Variants in ARMC12 observed in about 807,000 individuals in gnomAD.
ARMC12 encodes the protein armadillo repeat containing 12.
ARMC12 carries 25 observed loss-of-function variants against 37.4 expected under a neutral mutation model. The observed-to-expected ratio is 0.67, with a 90% CI of 0.49 to 0.93. The LOEUF is 0.93. Among genes scored for constraint, ARMC12 ranks in the 40% least tolerant of loss-of-function variants. The probability of loss-of-function intolerance (pLI) is 0.00; values close to 1 mark genes in which losing one functional copy is unlikely to be tolerated. For missense variants in ARMC12, 384 were observed against 426.6 expected (o/e 0.90, Z 0.88); for synonymous variants, 167 against 176.1 (o/e 0.95, Z 0.41).
At chr6:35,734,381 C>G (rs554733106), upstream of ARMC12, among the ~76,000 whole-genome samples, 1 of 152,126 alleles carries the variant, frequency 6.6e-6, no homozygotes, top group Non-Finnish European at 1.5e-5. Flanking sequence ...AGGCCAGGCT[C>G]GAACTCCTGG....
chr6:35,733,577 C>T (rs1251683574), upstream of ARMC12, among the ~76,000 whole-genome samples: 1 of 152,186 alleles, frequency 6.6e-6, no homozygotes, highest in Non-Finnish European at 1.5e-5. Context: ...CGTGCCATCT[C>T]GGTTCACTGC....
chr6:35,733,360 T>G (rs535932715), upstream of ARMC12, among the ~76,000 whole-genome samples: 1 of 152,248 alleles, frequency 6.6e-6, no homozygotes, highest in African/African-American at 2.4e-5. Context: ...AGGATTATAG[T>G]AAACATTTGT....
intron 3 of ARMC12, among the ~76,000 whole-genome samples, chr6:35,740,692 C>T (rs1581923642): frequency 6.6e-6 from 1 of 152,212 alleles, no homozygotes; most frequent in East Asian, 1.9e-4. Context: ...TTAGCAGTTC[C>T]AAATTTTCTT....
rs77517647 is a variant in ARMC12, at chr6:35,737,187, G to A, written c.79G>A (p.Ala27Thr). 2.2e-4 allele frequency: 358 copies of A among 1,614,228 alleles called. No individual in the cohort carries two copies. Among genetic ancestry groups the A allele is most frequent in the Admixed American group, 8.8e-4 (53 of 60,032 alleles). Residue 27 changes from alanine (A) to threonine (T), a missense_variant, in exon 1 of 6, where the codon GCG becomes ACG. Ala to Thr is a moderately conservative substitution (Grantham distance 58). Transcript: ENST00000373866. ...AGTCAGCCTGGCCACAGGCGCCGGGGCGATCTACCTGCTCTACAAGGCCAT... is the reference window on the plus strand; with the variant it reads ...AGTCAGCCTGGCCACAGGCGCCGGGACGATCTACCTGCTCTACAAGGCCAT... ...SVVSLATGAG[A>T]IYLLYKAIKA...
intron 2 of ARMC12, 86 bp from the exon 3 acceptor site, chr6:35,738,298 G>GT: frequency 7.1e-7 from 1 of 1,404,334 alleles, no homozygotes; most frequent in Non-Finnish European, 9.6e-7. Flanking sequence ...GGGGGGGGGT[G>GT]TGCGGAGGGA....
chr6:35,742,609 C>G (rs1767209114), intron 3 of ARMC12, among the ~76,000 whole-genome samples: 1 of 151,578 alleles, frequency 6.6e-6, no homozygotes, highest in African/African-American at 2.4e-5. Context: ...CCCACTCTTC[C>G]TTTTTTTCCC....
chr6:35,733,170 T>A (rs1453836127), upstream of ARMC12, among the ~76,000 whole-genome samples: 2 of 151,830 alleles, frequency 1.3e-5, no homozygotes, highest in Non-Finnish European at 2.9e-5. Flanking sequence ...AGACTCCGTC[T>A]CAAAAAAGAG....
chr6:35,732,051 G>C (rs995740319), upstream of ARMC12, among the ~76,000 whole-genome samples: 14 of 152,212 alleles, frequency 9.2e-5, no homozygotes, highest in Non-Finnish European at 1.9e-4. Context: ...GATGCGCGCG[G>C]GGGGAGGAGG....
At chr6:35,740,720 T>C (rs540903884) in intron 3 of ARMC12, among the ~76,000 whole-genome samples, 8 of 152,278 alleles carry the variant, frequency 5.3e-5, no homozygotes, top group African/African-American at 1.9e-4. Flanking sequence ...TTACCATATA[T>C]GTATGTATCC....
At chr6:35,738,334 C>T (rs770424557) in intron 2 of ARMC12, 50 bp from the exon 3 acceptor site, 12 of 1,582,930 alleles carry the variant, frequency 7.6e-6, no homozygotes, top group Non-Finnish European at 9.4e-6. Flanking sequence ...GGGCAGTGGG[C>T]CCAGAACACC....
In ARMC12 at chr6:35,748,845, G is replaced by A. The variant is rs761266774; in HGVS notation, c.998G>A (p.Arg333His). 1.2e-5 allele frequency: 19 copies of A among 1,611,122 alleles called. No homozygotes were observed. The highest frequency in any genetic ancestry group is 4.5e-5 in the East Asian group (2 of 44,860). Residue 333 changes from arginine (R) to histidine (H), a missense_variant, in exon 6 of 6, where the codon CGT (arginine) becomes CAT (histidine). By Grantham distance (29) the Arg-to-His change is conservative. Coordinates refer to ENST00000373866, the MANE Select transcript of ARMC12 (RefSeq NM_001286574.2). The part of the protein sequence containing the change: ...RARPSSCQPS[R>H]SYFKNTE Reference sequence around the variant, plus strand: ...CGGCCCTCCTCCTGCCAGCCCAGTCGTTCCTACTTTAAAAACACGGAATAA... The same window carrying A: ...CGGCCCTCCTCCTGCCAGCCCAGTCATTCCTACTTTAAAAACACGGAATAA...
chr6:35,741,330 C>G (rs1232277193), intron 3 of ARMC12, among the ~76,000 whole-genome samples: 1 of 152,038 alleles, frequency 6.6e-6, no homozygotes, highest in Admixed American at 6.6e-5. Context: ...CCAACTTTTC[C>G]AGGAGGGAGG....
upstream of ARMC12, chr6:35,735,630 G>A (rs1561916819): frequency 1.3e-5 from 2 of 152,178 alleles, no homozygotes; most frequent in Non-Finnish European, 2.9e-5. The surrounding 1 kb of genome is among the most constrained non-coding windows in gnomAD (Gnocchi z 4.0). Flanking sequence ...ACCTGTTCTG[G>A]TGCAGCATGC....
upstream of ARMC12, among the ~76,000 whole-genome samples, chr6:35,732,803 T>G (rs750059513): frequency 6.6e-6 from 1 of 152,164 alleles, no homozygotes; most frequent in Non-Finnish European, 1.5e-5. Context: ...TAGGTATTTG[T>G]GGGGGCTTCA....
intron 3 of ARMC12, among the ~76,000 whole-genome samples, chr6:35,744,777 T>G (rs1369269319): frequency 2.0e-5 from 3 of 152,004 alleles, no homozygotes; most frequent in Non-Finnish European, 4.4e-5. Flanking sequence ...ACCCTGATGT[T>G]AAAACAAGCA....
Position 35,737,217 on chromosome 6 carries a change from G to A in ARMC12, c.109G>A (p.Ala37Thr). ...CTACCTGCTCTACAAGGCCATCAAG[G>A]CTGGCATAAAATGCAAACCACCCCT... ...AIYLLYKAIKAGIKCKPPLCS... is the reference protein window; with the variant it reads ...AIYLLYKAIKTGIKCKPPLCS... Residue 37 changes from alanine to threonine, a missense_variant, in exon 1 of 6, where the codon GCT becomes ACT. Transcript: ENST00000373866. 6.2e-7 allele frequency: 1 copy of A among 1,614,242 alleles called. No homozygotes were observed. Among genetic ancestry groups the A allele is most frequent in the Non-Finnish European group, 8.5e-7 (1 of 1,180,036 alleles).
At chr6:35,732,278 C>G (rs1766852452), upstream of ARMC12, among the ~76,000 whole-genome samples, 1 of 152,176 alleles carries the variant, frequency 6.6e-6, no homozygotes, top group Admixed American at 6.5e-5. Flanking sequence ...CACGTTAAGG[C>G]AGGGGCGGCC....
At chr6:35,742,294 G>A (rs1447031158) in intron 3 of ARMC12, among the ~76,000 whole-genome samples, 1 of 151,446 alleles carries the variant, frequency 6.6e-6, no homozygotes, top group Non-Finnish European at 1.5e-5. Flanking sequence ...AGGTCAGTTC[G>A]AGACCAGCCT....
intron 3 of ARMC12, among the ~76,000 whole-genome samples, chr6:35,742,541 CAGG>C (rs913499798): frequency 1.4e-4 from 20 of 138,878 alleles, no homozygotes; most frequent in Admixed American, 1.4e-4. Flanking sequence ...TTCAGTTCAA[CAGG>C]AGAACTTTGT....
Sources: allele counts gnomAD v4.1 joint callset (sites outside exome capture counted in the v4.1 genomes callset), GRCh38; gene constraint gnomAD v4.1.1; non-coding constraint Gnocchi (gnomAD v3.1); transcripts MANE v1.5; gene names NCBI Gene and HGNC (gene_info 2026-07-23, HGNC 2026-07-21).